The following SHISA5 variants were observed in gnomAD, a reference collection of about 807,000 sequenced individuals.
SHISA5 encodes protein shisa-5.
A neutral mutation model predicts 27.5 loss-of-function variants in SHISA5; 21 were observed. The observed-to-expected ratio is 0.76, with a 90% CI of 0.54 to 1.10. The LOEUF (loss-of-function observed/expected upper bound fraction) is 1.10, where lower values mean the gene tolerates loss of function less well. SHISA5 is among the 50% of genes least tolerant of loss of function. The probability of loss-of-function intolerance (pLI) is 0.00; values close to 1 mark genes in which losing one functional copy is unlikely to be tolerated. For missense variants in SHISA5, 314 were observed against 336.3 expected, an observed-to-expected ratio of 0.93 and a Z score of 0.52; for synonymous variants, 137 against 142.2, an observed-to-expected ratio of 0.96 and a Z score of 0.26.
intron 1 of SHISA5, chr3:48,503,048 A>C: frequency 8.2e-7 from 1 of 1,223,748 alleles, no homozygotes; most frequent in Non-Finnish European, 1.1e-6. Flanking sequence ...AAAGCCATGG[A>C]GCAGAGGATT....
intron 2 of SHISA5, among the ~76,000 whole-genome samples, chr3:48,495,850 A>C (rs2041534064): frequency 6.8e-6 from 1 of 147,500 alleles, no homozygotes; most frequent in Non-Finnish European, 1.5e-5. Flanking sequence ...TCAATAAACA[A>C]TTAGAAAATA....
In SHISA5 at chr3:48,473,059, T is replaced by A. The variant is rs778692653; in HGVS notation, c.315-3216A>T. The A allele has an allele frequency of 1.3e-6, 2 of 1,511,160 alleles. No individual in the cohort carries two copies. Among genetic ancestry groups the A allele is most frequent in the South Asian group, 1.2e-5 (1 of 82,346 alleles). 93.6% of individuals were successfully genotyped at this position (1,511,160 alleles called of 1,614,324 possible). On this transcript the variant is annotated intron_variant, in intron 3 of 5. Coordinates refer to ENST00000296444, the MANE Select transcript of SHISA5 (RefSeq NM_016479.6). This position sits in a 1 kb window ranked among gnomAD's most constrained non-coding sequence, Gnocchi z 4.3. Reference sequence around the variant, plus strand: ...CAGAGGCCTCCTGTACCCCTGGGCTTTCCCCTCTTCCCATCGTGGGCCACT... The same window carrying A: ...CAGAGGCCTCCTGTACCCCTGGGCTATCCCCTCTTCCCATCGTGGGCCACT...
intron 2 of SHISA5, among the ~76,000 whole-genome samples, chr3:48,497,398 G>A (rs1179158383): frequency 6.7e-6 from 1 of 150,324 alleles, no homozygotes; most frequent in African/African-American, 2.4e-5. Flanking sequence ...GAGTAGCTGG[G>A]ATTACAGGCA....
intron 2 of SHISA5, among the ~76,000 whole-genome samples, chr3:48,498,644 G>A (rs1016896471): frequency 2.1e-5 from 3 of 143,400 alleles, no homozygotes; most frequent in South Asian, 2.2e-4. Flanking sequence ...ATGAGATCAC[G>A]CGCCACTGCA....
intron 2 of SHISA5, among the ~76,000 whole-genome samples, chr3:48,480,401 A>G (rs996316902): frequency 2.6e-5 from 4 of 152,240 alleles, no homozygotes; most frequent in African/African-American, 7.2e-5. Flanking sequence ...AAGAAGTAAT[A>G]AAGGAAACTA....
intron 2 of SHISA5, among the ~76,000 whole-genome samples, chr3:48,495,507 T>C (rs2041514840): frequency 6.8e-6 from 1 of 146,350 alleles, no homozygotes; most frequent in South Asian, 2.1e-4. Flanking sequence ...AGAAGCACTC[T>C]GAGTTTTTTT....
At chr3:48,485,610 TTATA>T (rs1417697864) in intron 2 of SHISA5, among the ~76,000 whole-genome samples, 1 of 145,074 alleles carries the variant, frequency 6.9e-6, no homozygotes, top group Admixed American at 7.1e-5. Context: ...GAATATGTAT[TTATA>T]TATAATATAT....
chr3:48,494,086 A>T (rs1275697449), intron 2 of SHISA5, among the ~76,000 whole-genome samples: 2 of 146,764 alleles, frequency 1.4e-5, no homozygotes, highest in Non-Finnish European at 2.9e-5. Context: ...CCTAAGTGAA[A>T]TTTTGTGTCC....
At chr3:48,472,367 G>C (rs1456815378) in intron 3 of SHISA5, among the ~76,000 whole-genome samples, 1 of 151,196 alleles carries the variant, frequency 6.6e-6, no homozygotes, top group Non-Finnish European at 1.5e-5. Context: ...GTGGTGGCAC[G>C]TGCCTGTGGT....
intron 3 of SHISA5, among the ~76,000 whole-genome samples, chr3:48,471,174 T>C (rs2040598012): frequency 6.6e-6 from 1 of 152,170 alleles, no homozygotes; most frequent in African/African-American, 2.4e-5. Flanking sequence ...ACCACAGGCA[T>C]GCACTACCAC....
chr3:48,503,675 C>A, intron 1 of SHISA5: 1 of 1,109,296 alleles, frequency 9.0e-7, no homozygotes, highest in Non-Finnish European at 1.1e-6. Context: ...GGGGCCAGCT[C>A]GCCCTGCAGC....
chr3:48,479,540 C>T (rs550072133), intron 2 of SHISA5: 1 of 444,420 alleles, frequency 2.3e-6, no homozygotes, highest in African/African-American at 2.0e-5. Context: ...TCTTCTCTGA[C>T]CACAACAGGA....
intron 1 of SHISA5, chr3:48,503,222 G>T: frequency 3.9e-6 from 5 of 1,268,984 alleles, no homozygotes; most frequent in Non-Finnish European, 5.2e-6. Flanking sequence ...GGCTGTTTAG[G>T]CTGAGTCCAT....
intron 3 of SHISA5, among the ~76,000 whole-genome samples, chr3:48,475,557 A>C (rs2040796376): frequency 6.6e-6 from 1 of 152,192 alleles, no homozygotes; most frequent in Non-Finnish European, 1.5e-5. Context: ...TGAGGGCCTG[A>C]GAACCACAGA....
chr3:48,488,829 G>A (rs1205256150), intron 2 of SHISA5, among the ~76,000 whole-genome samples: 3 of 132,464 alleles, frequency 2.3e-5, no homozygotes, highest in South Asian at 2.3e-4. Context: ...GCGAAACTCC[G>A]TCTCAAAAAA....
At chr3:48,479,964 C>T (rs548035630) in intron 2 of SHISA5, among the ~76,000 whole-genome samples, 171 of 149,454 alleles carry the variant, frequency 1.1e-3, no homozygotes, top group African/African-American at 3.8e-3. Flanking sequence ...AGTGCGGTGG[C>T]GCGATCTCGG....
In SHISA5 at chr3:48,473,281, C is replaced by A; in HGVS notation, c.315-3438G>T. On this transcript the variant is annotated intron_variant, in intron 3 of 5. Transcript: ENST00000296444. The surrounding 1 kb of genome is among the most constrained non-coding windows in gnomAD (Gnocchi z 4.3). The stretch of plus-strand genomic sequence containing the variant: ...AGGGGAAGCAGAGGTGCCCCATTTG[C>A]CTCCCAGAGCTGCCTCCCTGAGCCA... 7.2e-7 allele frequency: 1 copy of A among 1,394,368 alleles called. No individual in the cohort carries two copies. 86.4% of individuals were successfully genotyped at this position (1,394,368 alleles called of 1,614,324 possible). A position where few individuals can be genotyped will look rare whatever the true frequency, so the allele number is the denominator to read the frequency against.
intron 3 of SHISA5, chr3:48,476,744 A>C (rs2040839203): frequency 5.8e-6 from 1 of 173,014 alleles, no homozygotes; most frequent in Admixed American, 6.2e-5. Context: ...GGTCCTAGGC[A>C]TGAGCTGGGG....
At chr3:48,499,864 C>CAA (rs55724575) in intron 2 of SHISA5, among the ~76,000 whole-genome samples, 2,946 of 46,926 alleles carry the variant, frequency 0.063, 186 homozygotes, top group East Asian at 0.17. Context: ...GACTCCGTCT[C>CAA]AAAAAAAAAA....
Sources: allele counts gnomAD v4.1 joint callset (sites outside exome capture counted in the v4.1 genomes callset), GRCh38; gene constraint gnomAD v4.1.1; non-coding constraint Gnocchi (gnomAD v3.1); transcripts MANE v1.5; gene names NCBI Gene and HGNC (gene_info 2026-07-23, HGNC 2026-07-21).